IKZF2: variants seen among roughly 807,000 people sequenced by gnomAD.
IKZF2 encodes the protein IKAROS family zinc finger 2, also known as zinc finger protein Helios.
IKZF2 carries 15 observed loss-of-function variants against 49.2 expected under a neutral mutation model. That is an observed-to-expected ratio of 0.30 (90% confidence interval 0.20 to 0.47). The LOEUF (loss-of-function observed/expected upper bound fraction) is 0.47. IKZF2 is among the 20% of genes least tolerant of loss of function. The pLI, the probability that IKZF2 is intolerant of heterozygous loss-of-function variation, is 1.00. For synonymous variants in IKZF2, 227 were observed against 221.4 expected (o/e 1.03, Z -0.23); for missense variants, 567 against 664.6 (o/e 0.85, Z 1.61).
intron 6 of IKZF2, among the ~76,000 whole-genome samples, chr2:213,039,191 T>C (rs903371981): frequency 3.9e-5 from 6 of 152,052 alleles, no homozygotes; most frequent in Non-Finnish European, 8.8e-5. Context: ...TTTCTCATAA[T>C]AGGTGAAGGC....
chr2:213,139,322 A>C (rs984189497), intron 4 of IKZF2, among the ~76,000 whole-genome samples: 5 of 151,974 alleles, frequency 3.3e-5, no homozygotes, highest in African/African-American at 4.8e-5. Flanking sequence ...AACTGGACAA[A>C]GGACTTCAAC....
chr2:213,075,569 T>A (rs1383015108), intron 4 of IKZF2, among the ~76,000 whole-genome samples: 4 of 152,152 alleles, frequency 2.6e-5, no homozygotes, highest in African/African-American at 9.6e-5. Flanking sequence ...AAATATTATT[T>A]ATCAACTCTC....
intron 4 of IKZF2, among the ~76,000 whole-genome samples, chr2:213,115,737 A>G (rs2059849534): frequency 6.6e-6 from 1 of 152,258 alleles, no homozygotes; most frequent in African/African-American, 2.4e-5. Context: ...AATTGGTATT[A>G]GACCAAGTTT....
intron 6 of IKZF2, among the ~76,000 whole-genome samples, chr2:213,040,741 C>A (rs943161297): frequency 6.6e-6 from 1 of 152,046 alleles, no homozygotes; most frequent in Admixed American, 6.6e-5. Context: ...AATGAAAGAA[C>A]TATAATCACC....
At chr2:213,073,918 T>A (rs926968702) in intron 4 of IKZF2, among the ~76,000 whole-genome samples, 23 of 152,196 alleles carry the variant, frequency 1.5e-4, no homozygotes, top group African/African-American at 5.5e-4. Flanking sequence ...CAGAAACTTG[T>A]ACCTATTTGA....
At chr2:213,040,645 C>G (rs1699538994) in intron 6 of IKZF2, among the ~76,000 whole-genome samples, 1 of 152,026 alleles carries the variant, frequency 6.6e-6, no homozygotes, top group African/African-American at 2.4e-5. Context: ...AATTTAAACA[C>G]TATCCCCTCA....
intron 6 of IKZF2, among the ~76,000 whole-genome samples, chr2:213,036,038 T>C (rs1349195811): frequency 6.6e-6 from 1 of 152,178 alleles, no homozygotes; most frequent in Admixed American, 6.5e-5. Flanking sequence ...ATTTTTAAAG[T>C]ACTCTCACAA....
chr2:213,070,226 G>A (rs1285728794), intron 4 of IKZF2, among the ~76,000 whole-genome samples: 1 of 152,022 alleles, frequency 6.6e-6, no homozygotes, highest in Non-Finnish European at 1.5e-5. Context: ...CAAATAATAT[G>A]GAAAACACAG....
chr2:213,031,966 T>G (rs1298215272), intron 6 of IKZF2, among the ~76,000 whole-genome samples: 1 of 152,176 alleles, frequency 6.6e-6, no homozygotes, highest in Non-Finnish European at 1.5e-5. Flanking sequence ...AAGTGTAACA[T>G]AAGTCATTTA....
At chr2:213,032,660 A>T (rs1330074442) in intron 6 of IKZF2, among the ~76,000 whole-genome samples, 1 of 152,148 alleles carries the variant, frequency 6.6e-6, no homozygotes, top group Non-Finnish European at 1.5e-5. Context: ...CTGAGGTGGG[A>T]GGATCACTTG....
intron 6 of IKZF2, among the ~76,000 whole-genome samples, chr2:213,033,521 G>T (rs920125148): frequency 1.3e-5 from 2 of 152,202 alleles, no homozygotes; most frequent in Non-Finnish European, 2.9e-5. Flanking sequence ...GTGGGCTGAA[G>T]AATATATGCT....
chr2:213,061,522 A>G (rs749009943), intron 4 of IKZF2, among the ~76,000 whole-genome samples: 13 of 151,260 alleles, frequency 8.6e-5, no homozygotes, highest in Non-Finnish European at 1.9e-4. Context: ...CTCAAATTTT[A>G]CTCACATAAG....
chr2:213,095,643 T>C (rs1282464613), intron 4 of IKZF2, among the ~76,000 whole-genome samples: 1 of 152,098 alleles, frequency 6.6e-6, no homozygotes, highest in Non-Finnish European at 1.5e-5. Flanking sequence ...TGTAAAAATA[T>C]GTCTTTCAAA....
chr2:213,118,006 A>C (rs753370573), intron 4 of IKZF2, among the ~76,000 whole-genome samples: 6 of 152,130 alleles, frequency 3.9e-5, no homozygotes, highest in South Asian at 2.1e-4. Context: ...TCTTATAACC[A>C]CTACCATAAT....
chr2:213,027,023 C>G (rs1299194873), intron 6 of IKZF2, among the ~76,000 whole-genome samples: 1 of 152,040 alleles, frequency 6.6e-6, no homozygotes, highest in African/African-American at 2.4e-5. Context: ...TACATAGTCT[C>G]TTCCCCATGC....
chr2:213,054,063 G>A (rs1700923875), intron 5 of IKZF2, among the ~76,000 whole-genome samples: 1 of 152,076 alleles, frequency 6.6e-6, no homozygotes, highest in Non-Finnish European at 1.5e-5. Flanking sequence ...GACCAACATG[G>A]TGAAACCCTG....
chr2:213,119,521 GA>G (rs2059983123), intron 4 of IKZF2, among the ~76,000 whole-genome samples: 1 of 151,382 alleles, frequency 6.6e-6, no homozygotes, highest in African/African-American at 2.4e-5. Context: ...TGAGAAGGAG[GA>G]AAAAAAAGAA....
intron 4 of IKZF2, among the ~76,000 whole-genome samples, chr2:213,100,845 T>C (rs141733107): frequency 6.6e-6 from 1 of 152,082 alleles, no homozygotes; most frequent in South Asian, 2.1e-4. Context: ...AACTCAATAA[T>C]ATATTAAAAT....
At chr2:213,107,604 A>C (rs17358818) in intron 4 of IKZF2, among the ~76,000 whole-genome samples, 1,822 of 152,342 alleles carry the variant, frequency 0.012, 15 homozygotes, top group Non-Finnish European at 0.02. Flanking sequence ...GAACTGTGTA[A>C]CTACCTTCAT....
Sources: gnomAD v4.1 joint callset for allele counts (sites outside exome capture counted in the v4.1 genomes callset) on GRCh38, gnomAD v4.1.1 for gene constraint, MANE v1.5 for transcripts, NCBI Gene and HGNC (gene_info 2026-07-23, HGNC 2026-07-21) for gene names.